The following XPNPEP3 variants were observed in gnomAD, a reference collection of about 807,000 sequenced individuals.
XPNPEP3 encodes xaa-Pro aminopeptidase 3.
A neutral mutation model predicts 60.0 loss-of-function variants in XPNPEP3; 41 were observed. The ratio of observed to expected loss-of-function variants is 0.68; its 90% CI spans 0.53 to 0.89. The LOEUF (loss-of-function observed/expected upper bound fraction) is 0.89, where lower values mean the gene tolerates loss of function less well. Ranked by LOEUF, XPNPEP3 falls within the 40% of genes least tolerant of loss-of-function variation. XPNPEP3 has a pLI of 0.00. For missense variants in XPNPEP3, 598 were observed against 638.9 expected (o/e 0.94, Z 0.69); for synonymous variants, 212 against 223.2 (o/e 0.95, Z 0.45).
At chr22:40,880,875 C>A (rs1471422499) in intron 2 of XPNPEP3, among the ~76,000 whole-genome samples, 1 of 151,584 alleles carries the variant, frequency 6.6e-6, no homozygotes, top group Non-Finnish European at 1.5e-5. Context: ...GTAGGCAAAT[C>A]CATAGAGACA....
rs756631850 is a variant in XPNPEP3, at chr22:40,881,733, A to C, written c.182-37A>C. ...ACTACCTTAAGTACTTTGGCACTGCAGAAATGTAAAGCATCCCTTTTATTT... is the reference window on the plus strand; with the variant it reads ...ACTACCTTAAGTACTTTGGCACTGCCGAAATGTAAAGCATCCCTTTTATTT... On this transcript the variant is annotated intron_variant, in intron 2 of 9. Coordinates refer to ENST00000357137, the MANE Select transcript of XPNPEP3 (RefSeq NM_022098.4). The C allele has an allele frequency of 1.9e-6, 3 of 1,612,688 alleles. No homozygotes were observed. In the African/African-American group the frequency reaches 4.0e-5, roughly 22 times the overall value.
intron 7 of XPNPEP3, 68 bp from the exon 8 acceptor site, chr22:40,922,265 A>G (rs2058219245): frequency 6.3e-7 from 1 of 1,592,712 alleles, no homozygotes; most frequent in African/African-American, 1.3e-5. Context: ...TTCTAATCAA[A>G]CTTAGTAGCA....
At chr22:40,903,635 G>A (rs2058143270) in intron 4 of XPNPEP3, among the ~76,000 whole-genome samples, 1 of 151,782 alleles carries the variant, frequency 6.6e-6, no homozygotes, top group African/African-American at 2.4e-5. Flanking sequence ...AATTACAGGT[G>A]CCCGCCACCA....
chr22:40,903,699 A>C (rs1302729102), intron 4 of XPNPEP3, among the ~76,000 whole-genome samples: 2 of 152,002 alleles, frequency 1.3e-5, no homozygotes, highest in Non-Finnish European at 2.9e-5. Flanking sequence ...CATTTTGGCC[A>C]AGCAGGTCTT....
At chr22:40,878,224 T>C (rs866359788) in intron 2 of XPNPEP3, among the ~76,000 whole-genome samples, 4 of 146,320 alleles carry the variant, frequency 2.7e-5, no homozygotes, top group Non-Finnish European at 6.0e-5. Flanking sequence ...AAAAAAAAAA[T>C]GTGTTGTGAT....
At chr22:40,924,556 C>T (rs1340545915) in intron 9 of XPNPEP3, 74 bp downstream of exon 9, 1 of 1,581,670 alleles carries the variant, frequency 6.3e-7, no homozygotes, top group Non-Finnish European at 8.6e-7. Flanking sequence ...TGGAGTTTTG[C>T]TCTTTCGCCC....
In XPNPEP3 at chr22:40,886,395, G is replaced by A. The variant is rs768286539; in HGVS notation, c.672G>A (p.Glu224=). 10 of 1,614,024 alleles carry A rather than the reference G, an allele frequency of 6.2e-6. No individual in the cohort carries two copies. The highest frequency in any genetic ancestry group is 1.3e-5 in the African/African-American group (1 of 74,918). ...CTGACTATATGCAGCCCCTGACTGAGGCCAAAGCCAAGAGCAAGAACAAGG... is the reference window on the plus strand; with the variant it reads ...CTGACTATATGCAGCCCCTGACTGAAGCCAAAGCCAAGAGCAAGAACAAGG... ...LHSDYMQPLT[E]AKAKSKNKVR... is the part of the protein sequence containing the mutation. The change falls in exon 4 of 10, where the codon GAG becomes GAA. Residue 224 remains glutamate, a synonymous_variant. Coordinates refer to ENST00000357137, the MANE Select transcript of XPNPEP3 (RefSeq NM_022098.4).
At position 40,861,735 on chromosome 22, in the gene XPNPEP3, C is replaced by G. The variant is rs141187399; in HGVS notation, c.64+4490C>G. 961 of 1,613,842 alleles carry G rather than the reference C, an allele frequency of 6.0e-4. 14 individuals are homozygous for G. In the East Asian group the frequency reaches 0.017, roughly 28 times the overall value. ...ATCATCTGGCTTATGGAATGTGAAG[C>G]CGTACTCACATTCATCATCAAAATG... On this transcript the variant is annotated intron_variant, in intron 1 of 9. Transcript: ENST00000357137.
intron 2 of XPNPEP3, among the ~76,000 whole-genome samples, chr22:40,875,797 T>G (rs1385424612): frequency 6.6e-6 from 1 of 151,654 alleles, no homozygotes; most frequent in Non-Finnish European, 1.5e-5. Context: ...GCCGATTGCT[T>G]GAGGCGTGGA....
intron 2 of XPNPEP3, among the ~76,000 whole-genome samples, chr22:40,875,491 G>A (rs939776081): frequency 6.6e-6 from 1 of 152,066 alleles, no homozygotes; most frequent in Non-Finnish European, 1.5e-5. Flanking sequence ...TAGTCTCTAT[G>A]TAAATAAATT....
chr22:40,915,551 GA>G lies in XPNPEP3; in HGVS notation c.1055+1241del, dbSNP rs552550340. On this transcript the variant is annotated intron_variant, in intron 7 of 9. Transcript: ENST00000357137. ...TGGGTGACAGAGTGAGACTCTATCT[GA>G]AAAAAAAAAAAAAGAAAAACTATAA... Among the ~76,000 whole-genome samples, 1,146 of 127,414 alleles carry G rather than the reference GA, an allele frequency of 9.0e-3. 17 individuals carry two copies. Among genetic ancestry groups the G allele is most frequent in the South Asian group, 0.087 (357 of 4,106 alleles). 83.6% of individuals were successfully genotyped at this position (127,414 alleles called of 152,430 possible).
intron 6 of XPNPEP3, 68 bp from the exon 7 acceptor site, chr22:40,914,171 C>G: frequency 8.1e-7 from 1 of 1,232,800 alleles, no homozygotes; most frequent in Non-Finnish European, 1.2e-6. Flanking sequence ...GAAAGGCATA[C>G]TTTGGATTAC....
At chr22:40,882,531 G>T (rs550246844) in intron 3 of XPNPEP3, among the ~76,000 whole-genome samples, 5 of 152,152 alleles carry the variant, frequency 3.3e-5, no homozygotes, top group African/African-American at 1.2e-4. Flanking sequence ...CAGCTACTCA[G>T]GTGGCTCAGG....
chr22:40,895,360 G>C (rs1308822268), intron 4 of XPNPEP3, among the ~76,000 whole-genome samples: 1 of 150,596 alleles, frequency 6.6e-6, no homozygotes, highest in Non-Finnish European at 1.5e-5. Context: ...TTTTGAGGCA[G>C]AGTTTTGATC....
intron 4 of XPNPEP3, among the ~76,000 whole-genome samples, chr22:40,890,244 C>T (rs909630725): frequency 1.3e-5 from 2 of 152,046 alleles, no homozygotes; most frequent in Admixed American, 1.3e-4. Flanking sequence ...CTGCTAAAGG[C>T]TTACATTAAA....
chr22:40,888,536 G>C, intron 4 of XPNPEP3: 2 of 229,864 alleles, frequency 8.7e-6, no homozygotes, highest in Non-Finnish European at 1.8e-5. Context: ...GAGCTGCCAT[G>C]CCCAGCTTCA....
intron 9 of XPNPEP3, among the ~76,000 whole-genome samples, chr22:40,925,026 C>G (rs1373951935): frequency 2.0e-5 from 3 of 152,094 alleles, no homozygotes; most frequent in East Asian, 3.9e-4. Context: ...TTTTTTAATC[C>G]TGCCTTTCCC....
At chr22:40,869,422 G>T (rs1015395365) in intron 2 of XPNPEP3, among the ~76,000 whole-genome samples, 5 of 152,054 alleles carry the variant, frequency 3.3e-5, no homozygotes, top group Non-Finnish European at 5.9e-5. Context: ...TTAATGAAAG[G>T]TATGTATTTC....
At chr22:40,878,005 A>G (rs1184233121) in intron 2 of XPNPEP3, among the ~76,000 whole-genome samples, 3 of 152,098 alleles carry the variant, frequency 2.0e-5, no homozygotes, top group South Asian at 4.1e-4. Context: ...TCAGGAGTTC[A>G]AGACCAGCCT....
Sources: gnomAD v4.1 joint callset for allele counts (sites outside exome capture counted in the v4.1 genomes callset) on GRCh38, gnomAD v4.1.1 for gene constraint, MANE v1.5 for transcripts, NCBI Gene and HGNC (gene_info 2026-07-23, HGNC 2026-07-21) for gene names.